Variants in EEPD1 observed in about 807,000 individuals in gnomAD.
EEPD1 encodes endonuclease/exonuclease/phosphatase family domain containing 1.
EEPD1 carries 17 observed loss-of-function variants against 46.3 expected under a neutral mutation model. The ratio of observed to expected loss-of-function variants is 0.37; its 90% CI spans 0.25 to 0.55. The LOEUF is 0.55. Among genes scored for constraint, EEPD1 ranks in the 20% least tolerant of loss-of-function variants. EEPD1 has a pLI of 0.83. For missense variants in EEPD1, 673 were observed against 745.6 expected, an observed-to-expected ratio of 0.90 and a Z score of 1.13; for synonymous variants, 313 against 315.6, an observed-to-expected ratio of 0.99 and a Z score of 0.09.
intron 3 of EEPD1, among the ~76,000 whole-genome samples, chr7:36,247,264 TCACATAGATG>T (rs1485842756): frequency 2.6e-5 from 4 of 152,224 alleles, no homozygotes. Flanking sequence ...TAAGCCATTT[TCACATAGATG>T]TGTGTGAATA....
intron 3 of EEPD1, among the ~76,000 whole-genome samples, chr7:36,251,995 C>T (rs1222226672): frequency 1.3e-5 from 2 of 152,128 alleles, no homozygotes; most frequent in African/African-American, 2.4e-5. Context: ...CAATCCTGCT[C>T]GGAGCTTAGC....
At chr7:36,216,613 C>G (rs1485756486) in intron 2 of EEPD1, among the ~76,000 whole-genome samples, 1 of 152,186 alleles carries the variant, frequency 6.6e-6, no homozygotes, top group East Asian at 1.9e-4. Flanking sequence ...GTGCAGAGTT[C>G]AAAGTTTTTC....
At chr7:36,250,547 C>T (rs921146734) in intron 3 of EEPD1, among the ~76,000 whole-genome samples, 4 of 152,210 alleles carry the variant, frequency 2.6e-5, no homozygotes, top group Non-Finnish European at 5.9e-5. Flanking sequence ...ACCCATTCAA[C>T]TTATTGTCTG....
chr7:36,211,951 G>C (rs888872881), intron 2 of EEPD1, among the ~76,000 whole-genome samples: 5 of 151,740 alleles, frequency 3.3e-5, no homozygotes, highest in Non-Finnish European at 5.9e-5. Context: ...ATTAACTTTT[G>C]TGTATCACAA....
At chr7:36,155,275 G>A in intron 2 of EEPD1, 73 bp downstream of exon 2, 1 of 1,450,210 alleles carries the variant, frequency 6.9e-7, no homozygotes, top group South Asian at 1.6e-5. Flanking sequence ...GGATGCAAAT[G>A]AATGGATTCT....
intron 2 of EEPD1, among the ~76,000 whole-genome samples, chr7:36,204,073 G>A (rs1319164663): frequency 3.5e-5 from 5 of 144,358 alleles, no homozygotes; most frequent in Admixed American, 2.1e-4. Context: ...CTTACTCTGT[G>A]GCCCAGGCTA....
At chr7:36,197,313 C>G (rs1440461592) in intron 2 of EEPD1, among the ~76,000 whole-genome samples, 1 of 148,802 alleles carries the variant, frequency 6.7e-6, no homozygotes, top group East Asian at 2.1e-4. Context: ...CCCCGCCCGG[C>G]CAGCCGCCCA....
rs1787536075 is a variant in EEPD1, at chr7:36,297,002, A to T, written c.1325A>T (p.Asp442Val). 2.5e-6 allele frequency: 4 copies of T among 1,613,874 alleles called. No individual in the cohort carries two copies. The highest frequency in any genetic ancestry group is 3.4e-6 in the Non-Finnish European group (4 of 1,179,898). ...TTCCTTCCACTTCCAGGAGAAAAGG[A>T]TGTCATTATCTTAGGGGATTTTGGC... ...TLQETLKGEK[D>V]VIILGDFGQG... is the part of the protein sequence containing the mutation. The change falls in exon 7 of 8, where the codon GAT (aspartate) becomes GTT (valine). Residue 442 changes from aspartate to valine, a missense_variant. Transcript: ENST00000242108.
chr7:36,185,264 C>T (rs1008956198), intron 2 of EEPD1, among the ~76,000 whole-genome samples: 10 of 152,242 alleles, frequency 6.6e-5, no homozygotes, highest in African/African-American at 2.2e-4. Flanking sequence ...TCATCTGCAG[C>T]TTGCTTTCTG....
chr7:36,297,237 G>A, intron 7 of EEPD1, 50 bp downstream of exon 7: 1 of 1,592,294 alleles, frequency 6.3e-7, no homozygotes, highest in East Asian at 2.2e-5. Context: ...TGGAGTGAGA[G>A]AAACATGTCT....
intron 2 of EEPD1, among the ~76,000 whole-genome samples, chr7:36,224,644 T>TGGAAAAGCAACAGAAAG (rs1209139304): frequency 6.6e-6 from 1 of 151,968 alleles, no homozygotes; most frequent in Non-Finnish European, 1.5e-5. Context: ...ATATTTGACA[T>TGGAAAAGCAACAGAAAG]GGAAAAGCAA....
chr7:36,224,402 G>T (rs753847034), intron 2 of EEPD1, among the ~76,000 whole-genome samples: 65 of 152,042 alleles, frequency 4.3e-4, no homozygotes, highest in African/African-American at 1.5e-3. Context: ...CATAATAGCT[G>T]GACAAATGTT....
At chr7:36,278,865 C>T (rs909993051) in intron 3 of EEPD1, among the ~76,000 whole-genome samples, 1 of 152,220 alleles carries the variant, frequency 6.6e-6, no homozygotes, top group Non-Finnish European at 1.5e-5. Context: ...CCACCCTCTC[C>T]GCCTTCCCCA....
At chr7:36,172,692 A>G (rs1395460386) in intron 2 of EEPD1, among the ~76,000 whole-genome samples, 1 of 145,200 alleles carries the variant, frequency 6.9e-6, no homozygotes, top group Non-Finnish European at 1.5e-5. Flanking sequence ...GGCCAAGACA[A>G]TTCTTCTTCC....
chr7:36,291,836 G>T (rs1268300269), intron 6 of EEPD1, among the ~76,000 whole-genome samples: 1 of 152,216 alleles, frequency 6.6e-6, no homozygotes, highest in Non-Finnish European at 1.5e-5. Flanking sequence ...GCCACCTCCT[G>T]CTGTGGGACA....
Position 36,282,423 on chromosome 7 carries a change from C to T in EEPD1, c.1041+1198C>T, listed in dbSNP as rs567126952. 5.4e-4 allele frequency among the ~76,000 whole-genome samples: 82 copies of T among 152,354 alleles called. 1 individual carries two copies. The highest frequency in any genetic ancestry group is 6.8e-3 in the Middle Eastern group (2 of 294). On this transcript the variant is annotated intron_variant, in intron 4 of 7. Coordinates refer to ENST00000242108, the MANE Select transcript of EEPD1 (RefSeq NM_030636.3). ...GCATGTTTTCACTCTTTGCAAGACA[C>T]AGTGGGGATCCCGGCTGGAGCCTGA...
intron 2 of EEPD1, among the ~76,000 whole-genome samples, chr7:36,226,167 G>A (rs1786228988): frequency 1.3e-5 from 2 of 152,228 alleles, no homozygotes; most frequent in South Asian, 4.1e-4. Flanking sequence ...ATCAAAGAGG[G>A]AAGGGGAGAT....
intron 2 of EEPD1, among the ~76,000 whole-genome samples, chr7:36,216,457 C>T (rs1391194735): frequency 6.6e-6 from 1 of 152,190 alleles, no homozygotes; most frequent in African/African-American, 2.4e-5. Context: ...TTCAAAATTA[C>T]CCAGAGCAAG....
chr7:36,274,835 G>A (rs563317958), intron 3 of EEPD1, among the ~76,000 whole-genome samples: 4 of 152,176 alleles, frequency 2.6e-5, no homozygotes, highest in South Asian at 4.1e-4. Flanking sequence ...CCTGGCACGC[G>A]GACACCCTTG....
Sources: allele counts gnomAD v4.1 joint callset (sites outside exome capture counted in the v4.1 genomes callset), GRCh38; gene constraint gnomAD v4.1.1; transcripts MANE v1.5; gene names NCBI Gene and HGNC (gene_info 2026-07-23, HGNC 2026-07-21).